EPHA10: variants seen among roughly 807,000 people sequenced by gnomAD.
EPHA10 encodes the protein EPH receptor A10, also known as ephrin type-A receptor 10.
Under a neutral mutation model 109.7 loss-of-function variants are expected in EPHA10, and 120 were observed. That is an observed-to-expected ratio of 1.09 (90% CI 0.94 to 1.27). The LOEUF (loss-of-function observed/expected upper bound fraction) is 1.27, where lower values mean the gene tolerates loss of function less well. EPHA10 is among the 50% of genes most tolerant of loss of function. The probability of loss-of-function intolerance (pLI) is 0.00; values close to 1 mark genes in which losing one functional copy is unlikely to be tolerated. For missense variants in EPHA10, 1,396 were observed against 1,411.1 expected, an observed-to-expected ratio of 0.99 and a Z score of 0.17; for synonymous variants, 640 against 618.9, an observed-to-expected ratio of 1.03 and a Z score of -0.51.
chr1:37,752,934 G>A lies in EPHA10; in HGVS notation c.1299C>T (p.Gly433=). The A allele has an allele frequency of 7.6e-7, 1 of 1,307,694 alleles. No individual in the cohort carries two copies. Among genetic ancestry groups the A allele is most frequent in the Non-Finnish European group, 9.7e-7 (1 of 1,030,996 alleles). 81.0% of individuals were successfully genotyped at this position (1,307,694 alleles called of 1,614,324 possible). ...AGGTGGTTCCCGCGGCGGCCGCCGG[G>A]CCCGAGACGCCGTTGAGCGCGGCCA... The part of the protein sequence containing the change: ...VRVAALNGVS[G]PAAAAGTTYA... Residue 433 remains glycine, a synonymous_variant, in exon 5 of 17, where the codon GGC becomes GGT. Coordinates refer to ENST00000373048, the MANE Select transcript of EPHA10 (RefSeq NM_001099439.2).
intron 3 of EPHA10, chr1:37,760,542 A>C: frequency 1.3e-6 from 1 of 765,284 alleles, no homozygotes; most frequent in Non-Finnish European, 1.6e-6. Context: ...CCCCCCTGCC[A>C]GCCTCTAACT....
In EPHA10 at chr1:37,719,610, G is replaced by A; in HGVS notation, c.2563-3C>T. The A allele has an allele frequency of 6.2e-7, 1 of 1,612,896 alleles. No individual in the cohort carries two copies. The highest frequency in any genetic ancestry group is 2.2e-5 in the East Asian group (1 of 44,866). On this transcript the variant is annotated splice_region_variant and splice_polypyrimidine_tract_variant and intron_variant, in intron 14 of 16. Coordinates refer to ENST00000373048, the MANE Select transcript of EPHA10 (RefSeq NM_001099439.2). ...CCATCCTCCACAGCCTTGATCACCT[G>A]GGCCACAGGGGTGGGGAGCAGAGAG...
chr1:37,718,342 G>A lies in EPHA10; in HGVS notation c.*30C>T, dbSNP rs560120751. 5.6e-5 allele frequency: 87 copies of A among 1,552,526 alleles called. No homozygotes were observed. The highest frequency in any genetic ancestry group is 1.8e-4 in the Middle Eastern group (1 of 5,526). Reference sequence around the variant, plus strand: ...AGGGCTGGGGGACTGGACCCCCACCGGAGTCCTGCCTTGGAAGAATGGGGT... The same window carrying A: ...AGGGCTGGGGGACTGGACCCCCACCAGAGTCCTGCCTTGGAAGAATGGGGT... On this transcript the variant is annotated 3_prime_UTR_variant, in exon 17 of 17. Coordinates refer to ENST00000373048, the MANE Select transcript of EPHA10 (RefSeq NM_001099439.2).
chr1:37,720,234 G>T, intron 13 of EPHA10, 117 bp downstream of exon 13: 1 of 1,407,554 alleles, frequency 7.1e-7, no homozygotes, highest in South Asian at 1.4e-5. Flanking sequence ...TCGCATTTAT[G>T]CCAAGACCAA....
rs566496175 is a variant in EPHA10 at position 37,758,679 on chromosome 1, A to C, written c.850+2726T>G. Among the ~76,000 whole-genome samples the C allele has an allele frequency of 1.1e-4, 16 of 152,222 alleles. No individual in the cohort carries two copies. In the East Asian group the frequency reaches 2.9e-3, roughly 28 times the overall value. On this transcript the variant is annotated intron_variant, in intron 3 of 16. Coordinates refer to ENST00000373048, the MANE Select transcript of EPHA10 (RefSeq NM_001099439.2). ...GCTCTGTATTTTCTACTTGTCCTTA[A>C]GTATTGCTATTCTATGAGTCTTCAT... is the stretch of plus-strand genomic sequence containing the variant.
Position 37,717,065 on chromosome 1 carries a change from C to G in EPHA10, c.*1307G>C, listed in dbSNP as rs897985556. 2 of 190,886 alleles carry G rather than the reference C, an allele frequency of 1.0e-5. No homozygotes were observed. Among genetic ancestry groups the G allele is most frequent in the Non-Finnish European group, 2.2e-5 (2 of 92,814 alleles). 11.8% of individuals were successfully genotyped at this position (190,886 alleles called of 1,614,324 possible). A position where few individuals can be genotyped will look rare whatever the true frequency, so the allele number is the denominator to read the frequency against. On this transcript the variant is annotated 3_prime_UTR_variant, in exon 17 of 17. Transcript: ENST00000373048. ...CCAACACACAGCCAAGCAGAGCAGA[C>G]AAGTGTCACGGGCGGCCTAAACAAA...
intron 5 of EPHA10, among the ~76,000 whole-genome samples, chr1:37,751,242 G>GA (rs34839037): frequency 0.57 from 69,848 of 123,336 alleles, 19,900 homozygotes; most frequent in Admixed American, 0.63. Context: ...AAAAGAAAAA[G>GA]AAAAAAAAAA....
At chr1:37,736,663 G>A (rs553390280) in intron 5 of EPHA10, among the ~76,000 whole-genome samples, 9 of 152,042 alleles carry the variant, frequency 5.9e-5, no homozygotes, top group African/African-American at 9.6e-5. Flanking sequence ...AGCCGAGATC[G>A]CGCCACTGCA....
intron 8 of EPHA10, among the ~76,000 whole-genome samples, chr1:37,724,608 T>C (rs1366113383): frequency 6.6e-6 from 1 of 151,300 alleles, no homozygotes; most frequent in African/African-American, 2.4e-5. Context: ...ACAGAGAAAG[T>C]AGAGGGGATG....
intron 5 of EPHA10, among the ~76,000 whole-genome samples, chr1:37,743,033 C>A (rs1395416688): frequency 6.6e-6 from 1 of 151,736 alleles, no homozygotes; most frequent in Non-Finnish European, 1.5e-5. Context: ...AAAATAAAAT[C>A]AGTTAGACTG....
Position 37,753,206 on chromosome 1 carries a change from C to G in EPHA10, c.1027G>C (p.Asp343His), listed in dbSNP as rs1356101624. 1 of 1,340,810 alleles carries G rather than the reference C, an allele frequency of 7.5e-7. No individual in the cohort carries two copies. Among genetic ancestry groups the G allele is most frequent in the Non-Finnish European group, 9.5e-7 (1 of 1,050,294 alleles). 83.1% of individuals were successfully genotyped at this position (1,340,810 alleles called of 1,614,324 possible). Residue 343 changes from aspartate (D) to histidine (H), a missense_variant, in exon 5 of 17, where the codon GAC becomes CAC. Physicochemically the swap from Asp to His is moderately conservative, Grantham distance 81 (BLOSUM62 -1). Transcript: ENST00000373048. ...GAGCGGCTCAGGCTGTACTGCAGGT[C>G]CCGCGGCGCCGACGGCGGCCCTGAG... ...SCTRPPSAPR[D>H]LQYSLSRSPL...
At chr1:37,751,215 AAAGAAAG>A (rs1463271146) in intron 5 of EPHA10, among the ~76,000 whole-genome samples, 28 of 119,568 alleles carry the variant, frequency 2.3e-4, no homozygotes, top group African/African-American at 5.8e-4. Context: ...AAAAAAAAAA[AAAGAAAG>A]AAAGAAAGAA....
intron 5 of EPHA10, among the ~76,000 whole-genome samples, chr1:37,750,169 T>TC (rs960851725): frequency 3.7e-4 from 56 of 152,056 alleles, no homozygotes; most frequent in Non-Finnish European, 6.6e-4. Context: ...TTATGGGTTT[T>TC]TTCTTCTTCT....
At position 37,716,779 on chromosome 1, in the gene EPHA10, C is replaced by T. The variant is rs1645699735; in HGVS notation, c.*1593G>A. The T allele has an allele frequency of 4.3e-6, 1 of 232,924 alleles. No individual in the cohort carries two copies. Among genetic ancestry groups the T allele is most frequent in the African/African-American group, 2.2e-5 (1 of 45,320 alleles). The allele number at this position is 232,924 out of a possible 1,614,324, so 14.4% of individuals were successfully genotyped here. A position where few individuals can be genotyped will look rare whatever the true frequency, so the allele number is the denominator to read the frequency against. ...ACTCCACCCACCCCAAGGAAAGAAC[C>T]TTCCCTTTCCCACCTGCAAGGCCCT... On this transcript the variant is annotated 3_prime_UTR_variant, in exon 17 of 17. Coordinates refer to ENST00000373048, the MANE Select transcript of EPHA10 (RefSeq NM_001099439.2).
Position 37,723,109 on chromosome 1 carries a change from T to G in EPHA10, c.1892A>C (p.Gln631Pro), listed in dbSNP as rs761008366. 3.1e-6 allele frequency: 5 copies of G among 1,614,204 alleles called. No individual in the cohort carries two copies. The highest frequency in any genetic ancestry group is 8.5e-7 in the Non-Finnish European group (1 of 1,180,040). ...TTCCTTGGCGAACAGATGCACAGCC[T>G]GCAGCAGGTCCCCACAGCTCTGGGG... is the stretch of plus-strand genomic sequence containing the variant. ...LDPQSCGDLL[Q>P]AVHLFAKELD... is the part of the protein sequence containing the mutation. Residue 631 changes from glutamine (Q) to proline (P), a missense_variant, in exon 10 of 17, where the codon CAG becomes CCG. Gln to Pro is a moderately conservative substitution (Grantham distance 76, BLOSUM62 -1). Coordinates refer to ENST00000373048, the MANE Select transcript of EPHA10 (RefSeq NM_001099439.2).
At chr1:37,753,601 G>A (rs1646362249) in intron 4 of EPHA10, among the ~76,000 whole-genome samples, 1 of 151,588 alleles carries the variant, frequency 6.6e-6, no homozygotes, top group South Asian at 2.1e-4. Context: ...TTGGTACAGA[G>A]ATGGTCAGTC....
At chr1:37,760,323 C>A (rs1448942098) in intron 3 of EPHA10, 8 of 1,045,134 alleles carry the variant, frequency 7.7e-6, no homozygotes, top group Non-Finnish European at 1.2e-6. Flanking sequence ...ACATTAATAA[C>A]CCCATCATCA....
intron 7 of EPHA10, among the ~76,000 whole-genome samples, chr1:37,727,619 A>G (rs1645916275): frequency 6.6e-6 from 1 of 152,086 alleles, no homozygotes; most frequent in South Asian, 2.1e-4. Flanking sequence ...ACTGCACCTT[A>G]CTCCATTCAA....
intron 3 of EPHA10, among the ~76,000 whole-genome samples, chr1:37,755,258 AAG>A (rs1646383606): frequency 6.6e-6 from 1 of 152,116 alleles, no homozygotes; most frequent in African/African-American, 2.4e-5. Context: ...TGGTGTGAGA[AAG>A]AGAGGGGAGG....
Sources: allele counts gnomAD v4.1 joint callset (sites outside exome capture counted in the v4.1 genomes callset), GRCh38; gene constraint gnomAD v4.1.1; transcripts MANE v1.5; gene names NCBI Gene and HGNC (gene_info 2026-07-23, HGNC 2026-07-21).